Variants in ATP2B2 observed in about 807,000 individuals in gnomAD.
ATP2B2 encodes the protein plasma membrane calcium-transporting ATPase 2.
ATP2B2 carries 15 observed loss-of-function variants against 120.0 expected under a neutral mutation model. That is an observed-to-expected ratio of 0.12 (90% CI 0.08 to 0.19). ATP2B2 has a LOEUF of 0.19. Ranked by LOEUF, ATP2B2 falls within the 10% of genes least tolerant of loss-of-function variation. The probability of loss-of-function intolerance (pLI) is 1.00; values close to 1 mark genes in which losing one functional copy is unlikely to be tolerated. For synonymous variants in ATP2B2, 694 were observed against 700.3 expected (o/e 0.99, Z 0.14); for missense variants, 1,045 against 1,719.8 (o/e 0.61, Z 6.94).
chr3:10,365,276 T>C (rs1049019045), intron 12 of ATP2B2, among the ~76,000 whole-genome samples: 2 of 152,224 alleles, frequency 1.3e-5, no homozygotes, highest in African/African-American at 4.8e-5. Flanking sequence ...ACCAATGCCA[T>C]AGGGCCTCCA....
In ATP2B2 at chr3:10,350,681, A is replaced by C. The variant is rs2060555243; in HGVS notation, c.2137-104T>G. ...CCCTTCTCACAGGCAGCTCTACTGA[A>C]AGGGGACTAGATGACTATGAGATGC... is the stretch of plus-strand genomic sequence containing the variant. On this transcript the variant is annotated intron_variant, in intron 14 of 22. Coordinates refer to ENST00000360273, the MANE Select transcript of ATP2B2 (RefSeq NM_001001331.4). The C allele has an allele frequency of 7.1e-6, 9 of 1,261,274 alleles. No homozygotes were observed. The East Asian group carries it at 1.9e-4, about 27-fold the overall frequency. 78.1% of individuals were successfully genotyped at this position (1,261,274 alleles called of 1,614,324 possible). A position where few individuals can be genotyped will look rare whatever the true frequency, so the allele number is the denominator to read the frequency against.
At chr3:10,384,707 A>G (rs1318133906) in intron 8 of ATP2B2, among the ~76,000 whole-genome samples, 4 of 152,218 alleles carry the variant, frequency 2.6e-5, no homozygotes, top group Non-Finnish European at 2.9e-5. Flanking sequence ...CCCGAGCCCA[A>G]GCGAACCCCC....
intron 2 of ATP2B2, among the ~76,000 whole-genome samples, chr3:10,565,316 C>G (rs1293119300): frequency 6.6e-6 from 1 of 152,144 alleles, no homozygotes; most frequent in Non-Finnish European, 1.5e-5. Context: ...GAAGGAAGCA[C>G]AGCTTGGGAA....
chr3:10,487,836 C>T (rs893195004), intron 1 of ATP2B2, among the ~76,000 whole-genome samples: 1 of 152,212 alleles, frequency 6.6e-6, no homozygotes, highest in African/African-American at 2.4e-5. Context: ...TGTACAATAA[C>T]CTGCAATGGC....
intron 14 of ATP2B2, among the ~76,000 whole-genome samples, chr3:10,354,056 A>T (rs939675830): frequency 6.6e-6 from 1 of 152,166 alleles, no homozygotes. Context: ...TGCCCTGCTC[A>T]TTCTGTCCCC....
At chr3:10,415,953 G>A (rs2062766642) in intron 2 of ATP2B2, among the ~76,000 whole-genome samples, 1 of 152,216 alleles carries the variant, frequency 6.6e-6, no homozygotes, top group Non-Finnish European at 1.5e-5. Context: ...ACTGACTTGT[G>A]AGTGAGCTTG....
intron 1 of ATP2B2, among the ~76,000 whole-genome samples, chr3:10,490,023 CCT>C (rs1238687507): frequency 1.3e-5 from 2 of 152,242 alleles, no homozygotes; most frequent in Non-Finnish European, 2.9e-5. Flanking sequence ...TCCCTGGTCC[CCT>C]GTTTTTCCAG....
At chr3:10,415,613 C>A (rs2062753893) in intron 2 of ATP2B2, among the ~76,000 whole-genome samples, 1 of 152,202 alleles carries the variant, frequency 6.6e-6, no homozygotes. Context: ...TTCCCAGGAG[C>A]TGAATCTTGT....
intron 3 of ATP2B2, among the ~76,000 whole-genome samples, chr3:10,525,052 AC>A (rs1323654150): frequency 6.6e-6 from 1 of 152,152 alleles, no homozygotes; most frequent in African/African-American, 2.4e-5. Flanking sequence ...CTACCTATGA[AC>A]ACTCCCTCTG....
chr3:10,528,176 T>C lies in ATP2B2; in HGVS notation c.-320+5863A>G, dbSNP rs184878013. Reference sequence around the variant, plus strand: ...GGCTTCAGCCCTGGCTACCTGGAAGTTCTTTTGTTCTGAGGACTCTCTGTA... The same window carrying C: ...GGCTTCAGCCCTGGCTACCTGGAAGCTCTTTTGTTCTGAGGACTCTCTGTA... On this transcript the variant is annotated intron_variant, in intron 3 of 21. Transcript: ENST00000646379. Among the ~76,000 whole-genome samples, 4 of 152,266 alleles carry C rather than the reference T, an allele frequency of 2.6e-5. No homozygotes were observed. In the East Asian group the frequency reaches 7.7e-4, roughly 29 times the overall value.
intron 6 of ATP2B2, chr3:10,387,965 T>C: frequency 7.6e-6 from 3 of 394,206 alleles, no homozygotes; most frequent in South Asian, 2.1e-5. Flanking sequence ...ATGGGACCAA[T>C]TGATGCTGGC....
intron 2 of ATP2B2, among the ~76,000 whole-genome samples, chr3:10,564,962 A>G (rs2067980301): frequency 6.6e-6 from 1 of 152,204 alleles, no homozygotes; most frequent in African/African-American, 2.4e-5. Flanking sequence ...TAGCCATGTG[A>G]CTAAATCCTC....
At chr3:10,512,464 G>GCGCACGCGCA (rs749056818) in intron 3 of ATP2B2, among the ~76,000 whole-genome samples, 1 of 136,924 alleles carries the variant, frequency 7.3e-6, no homozygotes, top group African/African-American at 2.9e-5. Context: ...AAGTGTGTGC[G>GCGCACGCGCA]CACACACACA....
intron 2 of ATP2B2, among the ~76,000 whole-genome samples, chr3:10,563,154 C>A (rs778013417): frequency 6.6e-6 from 1 of 152,204 alleles, no homozygotes; most frequent in Non-Finnish European, 1.5e-5. Context: ...GTATGCCAGG[C>A]ACTGAGCCGG....
chr3:10,567,194 C>G (rs1310314109), intron 2 of ATP2B2, among the ~76,000 whole-genome samples: 3 of 152,228 alleles, frequency 2.0e-5, no homozygotes, highest in Middle Eastern at 3.2e-3. Context: ...TTAGCCATAG[C>G]TAATCAAAGC....
chr3:10,659,014 G>A (rs368872274), intron 1 of ATP2B2, among the ~76,000 whole-genome samples: 296 of 152,200 alleles, frequency 1.9e-3, no homozygotes, highest in Middle Eastern at 3.4e-3. Context: ...AGTGAAGGAG[G>A]AATAAAATCC....
chr3:10,376,641 G>C (rs1230157955), intron 10 of ATP2B2, among the ~76,000 whole-genome samples: 1 of 152,232 alleles, frequency 6.6e-6, no homozygotes. Context: ...GACTCTGACA[G>C]AGGAAGAGCC....
intron 1 of ATP2B2, among the ~76,000 whole-genome samples, chr3:10,691,192 T>C (rs2071655621): frequency 2.0e-5 from 3 of 152,240 alleles, no homozygotes; most frequent in Non-Finnish European, 4.4e-5. Context: ...CTTAGTTTCT[T>C]GGAGCCTCAG....
intron 1 of ATP2B2, among the ~76,000 whole-genome samples, chr3:10,698,768 C>T (rs1484884437): frequency 1.3e-5 from 2 of 152,234 alleles, no homozygotes; most frequent in African/African-American, 4.8e-5. Context: ...AAGAAGCCCA[C>T]ATACTATAAT....
Sources: gnomAD v4.1 joint callset for allele counts (sites outside exome capture counted in the v4.1 genomes callset) on GRCh38, gnomAD v4.1.1 for gene constraint, MANE v1.5 for transcripts, NCBI Gene and HGNC (gene_info 2026-07-23, HGNC 2026-07-21) for gene names.